Variants in PEMT observed in about 807,000 individuals in gnomAD.
PEMT encodes the protein phospholipid methyltransferase.
A neutral mutation model predicts 27.4 loss-of-function variants in PEMT; 23 were observed. That is an observed-to-expected ratio of 0.84 (90% CI 0.60 to 1.19). PEMT has a LOEUF of 1.19. PEMT is among the 50% of genes most tolerant of loss of function. The pLI, the probability that PEMT is intolerant of heterozygous loss-of-function variation, is 0.00. For synonymous variants in PEMT, 137 were observed against 139.1 expected, an observed-to-expected ratio of 0.98 and a Z score of 0.11; for missense variants, 307 against 310.1, an observed-to-expected ratio of 0.99 and a Z score of 0.07.
At chr17:17,522,097 C>T (rs1907309481) in intron 3 of PEMT, among the ~76,000 whole-genome samples, 183 bp downstream of exon 3, 1 of 152,214 alleles carries the variant, frequency 6.6e-6, no homozygotes, top group Non-Finnish European at 1.5e-5. Context: ...TGGGGCTCCT[C>T]TGCTGGCCAG....
chr17:17,507,164 G>A, intron 5 of PEMT: 1 of 1,560,584 alleles, frequency 6.4e-7, no homozygotes, highest in Non-Finnish European at 8.7e-7. Context: ...TATTTCTATA[G>A]TTACCTCTGA....
intron 2 of PEMT, among the ~76,000 whole-genome samples, chr17:17,570,241 A>G (rs759255302): frequency 2.6e-5 from 4 of 152,226 alleles, no homozygotes; most frequent in Non-Finnish European, 4.4e-5. Context: ...TTGGGGACAC[A>G]GAAGCAGAGC....
rs755612184 is a variant in PEMT at position 17,512,564 on chromosome 17, G to T, written c.411C>A (p.Gly137=). ...YSLGLALLGL[G]VVLVLSSFFA... The stretch of plus-strand genomic sequence containing the variant: ...AGAAGCTGGAGAGCACGAGCACGAC[G>T]CCCAGTCCCAGGAGCGCGAGGCCCA... The change falls in exon 4 of 7, where the codon GGC becomes GGA. Residue 137 remains glycine, a synonymous_variant. Coordinates refer to ENST00000255389, the MANE Select transcript of PEMT (RefSeq NM_148172.3). This position sits in a 1 kb window ranked among gnomAD's most constrained non-coding sequence, Gnocchi z 6.3. 3.7e-6 allele frequency: 6 copies of T among 1,608,776 alleles called. No homozygotes were observed. The highest frequency in any genetic ancestry group is 1.1e-5 in the South Asian group (1 of 90,252).
intron 2 of PEMT, among the ~76,000 whole-genome samples, chr17:17,541,360 T>G (rs974854412): frequency 1.3e-5 from 2 of 152,172 alleles, no homozygotes; most frequent in African/African-American, 4.8e-5. Flanking sequence ...TACACATTCC[T>G]AAAACCCAGG....
chr17:17,558,041 G>A (rs547707118), intron 2 of PEMT, among the ~76,000 whole-genome samples: 68 of 152,306 alleles, frequency 4.5e-4, no homozygotes, highest in Non-Finnish European at 5.4e-4. Flanking sequence ...CTGGAGGCAC[G>A]GAAAGAAAGG....
Position 17,584,308 on chromosome 17 carries a change from C to T in PEMT, c.96+7223G>A, listed in dbSNP as rs1034000474. On this transcript the variant is annotated intron_variant, in intron 1 of 6. Transcript: ENST00000255389. Reference sequence around the variant, plus strand: ...CTAAGTAGCTGGGACTACAGGCGCCCGCCACCATGCCCAGCTATTTTTTTG... The same window carrying T: ...CTAAGTAGCTGGGACTACAGGCGCCTGCCACCATGCCCAGCTATTTTTTTG... Among the ~76,000 whole-genome samples the T allele has an allele frequency of 1.4e-4, 22 of 152,190 alleles. 1 individual carries two copies. Among genetic ancestry groups the T allele is most frequent in the African/African-American group, 4.8e-4 (20 of 41,530 alleles).
rs2142694982 is a variant in PEMT, at chr17:17,561,582, C to T, written c.204+15338G>A. On this transcript the variant is annotated intron_variant, in intron 2 of 6. Coordinates refer to ENST00000255389, the MANE Select transcript of PEMT (RefSeq NM_148172.3). The surrounding 1 kb of genome is among the most constrained non-coding windows in gnomAD (Gnocchi z 4.5). ...AGCTGGCTCCAGGCACCACCCACTC[C>T]AGGCACCATCCCGGCCCTTGCAACA... Among the ~76,000 whole-genome samples the T allele has an allele frequency of 6.6e-6, 1 of 152,346 alleles. No individual in the cohort carries two copies. Among genetic ancestry groups the T allele is most frequent in the East Asian group, 1.9e-4 (1 of 5,180 alleles).
intron 2 of PEMT, among the ~76,000 whole-genome samples, chr17:17,560,920 T>C (rs896594996): frequency 6.6e-6 from 1 of 151,472 alleles, no homozygotes; most frequent in East Asian, 2.0e-4. Flanking sequence ...TAACCAACCA[T>C]CCCCTGGGCC....
Position 17,512,581 on chromosome 17 carries a change from C to T in PEMT, c.394G>A (p.Ala132Thr), listed in dbSNP as rs780565434. The change falls in exon 4 of 7, where the codon GCG becomes ACG. Residue 132 changes from alanine (A) to threonine (T), a missense_variant. Ala to Thr is a moderately conservative substitution (Grantham distance 58). Coordinates refer to ENST00000255389, the MANE Select transcript of PEMT (RefSeq NM_148172.3). This position sits in a 1 kb window ranked among gnomAD's most constrained non-coding sequence, Gnocchi z 6.3. ...AGCACGACGCCCAGTCCCAGGAGCG[C>T]GAGGCCCAGGCTGTAGGCCGCGGGG... Reference protein sequence around the residue: ...DTPAAYSLGLALLGLGVVLVL... With the variant: ...DTPAAYSLGLTLLGLGVVLVL... The T allele has an allele frequency of 1.8e-5, 29 of 1,607,866 alleles. No individual in the cohort carries two copies. The highest frequency in any genetic ancestry group is 8.0e-5 in the African/African-American group (6 of 74,802).
Position 17,509,506 on chromosome 17 carries a change from A to G in PEMT, c.506T>C (p.Val169Ala). The change falls in exon 5 of 7, where the codon GTG (valine) becomes GCG (alanine). Residue 169 changes from valine to alanine, a missense_variant. Coordinates refer to ENST00000255389, the MANE Select transcript of PEMT (RefSeq NM_148172.3). ...FGILKEARVT[V>A]FPFNILDNPM... ...GTTGTCCAGGATGTTGAAGGGGAAC[A>G]CGGTCACTCTCGCCTCCTTGAGGAT... 6.2e-7 allele frequency: 1 copy of G among 1,614,000 alleles called. No homozygotes were observed. Among genetic ancestry groups the G allele is most frequent in the Non-Finnish European group, 8.5e-7 (1 of 1,179,876 alleles).
chr17:17,569,825 C>T (rs982526261), intron 2 of PEMT, among the ~76,000 whole-genome samples: 9 of 152,214 alleles, frequency 5.9e-5, no homozygotes, highest in Non-Finnish European at 1.2e-4. Flanking sequence ...GCCTCCCATG[C>T]TGGCTCCCTC....
intron 2 of PEMT, among the ~76,000 whole-genome samples, chr17:17,550,449 C>T (rs757459742): frequency 1.6e-4 from 25 of 152,308 alleles, no homozygotes; most frequent in Non-Finnish European, 2.9e-4. Context: ...ACAAGCCACA[C>T]CTGAACGGTC....
intron 3 of PEMT, among the ~76,000 whole-genome samples, chr17:17,514,784 G>A (rs537724645): frequency 1.3e-5 from 2 of 152,366 alleles, no homozygotes; most frequent in East Asian, 3.9e-4. Context: ...ATGGTGGAGT[G>A]GGAGGGAAAG....
chr17:17,529,446 ATT>A (rs987446722), intron 2 of PEMT, among the ~76,000 whole-genome samples: 41 of 152,324 alleles, frequency 2.7e-4, no homozygotes, highest in African/African-American at 9.4e-4. Flanking sequence ...TCCAACAGTC[ATT>A]GTCTCCAACA....
intron 4 of PEMT, among the ~76,000 whole-genome samples, chr17:17,511,642 G>C (rs971907340): frequency 1.3e-5 from 2 of 152,252 alleles, no homozygotes; most frequent in African/African-American, 4.8e-5. Context: ...GGCCAGGGCT[G>C]ATGGGGAGGA....
chr17:17,578,154 C>A (rs936665388), intron 1 of PEMT, among the ~76,000 whole-genome samples: 11 of 151,458 alleles, frequency 7.3e-5, no homozygotes, highest in African/African-American at 2.4e-4. Flanking sequence ...AATATAGTAT[C>A]AAATATTCAG....
At chr17:17,557,010 C>T (rs554028047) in intron 2 of PEMT, among the ~76,000 whole-genome samples, 3 of 152,280 alleles carry the variant, frequency 2.0e-5, no homozygotes, top group African/African-American at 7.2e-5. Context: ...ACATAATTTG[C>T]CTCTGATGCC....
intron 4 of PEMT, among the ~76,000 whole-genome samples, chr17:17,511,846 G>A (rs751571348): frequency 1.4e-5 from 2 of 144,928 alleles, no homozygotes; most frequent in Non-Finnish European, 3.0e-5. Context: ...CTTTCCCATG[G>A]CTGCTTTTCT....
At chr17:17,534,911 TATTTTA>T (rs1908350612) in intron 2 of PEMT, among the ~76,000 whole-genome samples, 1 of 143,452 alleles carries the variant, frequency 7.0e-6, no homozygotes, top group Non-Finnish European at 1.5e-5. Context: ...TATTTTATTT[TATTTTA>T]TTTTATTTTA....
Sources: allele counts gnomAD v4.1 joint callset (sites outside exome capture counted in the v4.1 genomes callset), GRCh38; gene constraint gnomAD v4.1.1; non-coding constraint Gnocchi (gnomAD v3.1); transcripts MANE v1.5; gene names NCBI Gene and HGNC (gene_info 2026-07-23, HGNC 2026-07-21).